Variants in SLC39A11 observed in about 807,000 individuals in gnomAD.
SLC39A11 encodes the protein zinc transporter ZIP11.
Under a neutral mutation model 36.1 loss-of-function variants are expected in SLC39A11, and 33 were observed. The ratio of observed to expected loss-of-function variants is 0.91; its 90% CI spans 0.69 to 1.22. SLC39A11 has a LOEUF of 1.22. Among genes scored for constraint, SLC39A11 ranks in the 50% most tolerant of loss-of-function variants. SLC39A11 has a pLI of 0.00. For missense variants in SLC39A11, 432 were observed against 430.3 expected, an observed-to-expected ratio of 1.00 and a Z score of -0.03; for synonymous variants, 166 against 170.3, an observed-to-expected ratio of 0.97 and a Z score of 0.20.
Position 72,746,357 on chromosome 17 carries a change from AC to A in SLC39A11, c.602-9639del, listed in dbSNP as rs542589272. On this transcript the variant is annotated intron_variant, in intron 6 of 9. Coordinates refer to ENST00000255559, the MANE Select transcript of SLC39A11 (RefSeq NM_139177.4). ...TGAGGGGTCAGGTGTGATGGCTGAC[AC>A]CTGTAATCCCAGCAATTTGGGAGGC... Among the ~76,000 whole-genome samples, 461 of 152,274 alleles carry A rather than the reference AC, an allele frequency of 3.0e-3. 5 individuals carry two copies. Among genetic ancestry groups the A allele is most frequent in the Non-Finnish European group, 5.3e-3 (361 of 68,020 alleles).
In SLC39A11 at chr17:72,698,378, G is replaced by A. The variant is rs572685801; in HGVS notation, c.671+38272C>T. ...TGGTTTGCTATTGTTGATAATTGTT[G>A]AAGCTGGATAACACACATACGGGGT... is the stretch of plus-strand genomic sequence containing the variant. On this transcript the variant is annotated intron_variant, in intron 7 of 9. Coordinates refer to ENST00000255559, the MANE Select transcript of SLC39A11 (RefSeq NM_139177.4). 8.7e-5 allele frequency among the ~76,000 whole-genome samples: 13 copies of A among 149,830 alleles called. No individual in the cohort carries two copies. The South Asian group carries it at 2.5e-3, about 29-fold the overall frequency.
At chr17:73,021,378 C>T (rs1318468167) in intron 4 of SLC39A11, among the ~76,000 whole-genome samples, 1 of 151,922 alleles carries the variant, frequency 6.6e-6, no homozygotes, top group Non-Finnish European at 1.5e-5. Flanking sequence ...CTTGCTCTGT[C>T]ACCCAGGCTG....
At chr17:72,756,175 T>C (rs988323712) in intron 6 of SLC39A11, among the ~76,000 whole-genome samples, 2 of 152,200 alleles carry the variant, frequency 1.3e-5, no homozygotes, top group Non-Finnish European at 2.9e-5. Flanking sequence ...AATTACCATA[T>C]GGTGATAGCA....
chr17:72,963,073 G>A (rs1471022099), intron 4 of SLC39A11, among the ~76,000 whole-genome samples: 1 of 151,920 alleles, frequency 6.6e-6, no homozygotes, highest in Non-Finnish European at 1.5e-5. Flanking sequence ...TCAAGAGACT[G>A]ATAACCTGAT....
intron 6 of SLC39A11, among the ~76,000 whole-genome samples, chr17:72,780,521 G>T (rs1485351283): frequency 1.7e-5 from 1 of 60,520 alleles, no homozygotes; most frequent in East Asian, 2.6e-4. Flanking sequence ...CCCTGAAGAT[G>T]GGGGGCGGGT....
At chr17:72,919,806 T>A (rs1165457335) in intron 5 of SLC39A11, among the ~76,000 whole-genome samples, 1 of 151,988 alleles carries the variant, frequency 6.6e-6, no homozygotes, top group Non-Finnish European at 1.5e-5. Flanking sequence ...CACAGCTGCA[T>A]CTCTGATGCT....
At chr17:73,086,892 A>G (rs867438136) in intron 2 of SLC39A11, among the ~76,000 whole-genome samples, 1 of 151,894 alleles carries the variant, frequency 6.6e-6, no homozygotes, top group Admixed American at 6.6e-5. Context: ...GTCTCTACTA[A>G]AACTACAAAA....
chr17:72,896,728 G>A (rs908752256), intron 5 of SLC39A11, among the ~76,000 whole-genome samples: 4 of 151,956 alleles, frequency 2.6e-5, no homozygotes, highest in African/African-American at 9.7e-5. Context: ...AGGGAGTGAG[G>A]GAAAGGGACA....
chr17:73,065,480 G>C (rs969698456), intron 3 of SLC39A11, among the ~76,000 whole-genome samples: 4 of 152,140 alleles, frequency 2.6e-5, no homozygotes, highest in Non-Finnish European at 5.9e-5. Context: ...CTGAAGCTTA[G>C]AATATAAAAA....
intron 4 of SLC39A11, among the ~76,000 whole-genome samples, chr17:73,029,436 A>C (rs2058670993): frequency 1.3e-5 from 2 of 151,862 alleles, no homozygotes; most frequent in South Asian, 4.2e-4. Flanking sequence ...AGCAGAATAC[A>C]CTCCAACAAC....
intron 3 of SLC39A11, among the ~76,000 whole-genome samples, chr17:73,060,269 A>T (rs542494275): frequency 6.6e-6 from 1 of 151,838 alleles, no homozygotes; most frequent in Admixed American, 6.6e-5. Flanking sequence ...AGGTAAAAAA[A>T]AAAAAGTTGG....
In SLC39A11 at chr17:72,862,712, G is replaced by A. The variant is rs1363027671; in HGVS notation, c.431-12908C>T. ...GAAATACAGATTGTCCTAGTGTTCA[G>A]ATGAGTACTGCCCACTAAGGTTAAA... is the stretch of plus-strand genomic sequence containing the variant. On this transcript the variant is annotated intron_variant, in intron 5 of 9. Coordinates refer to ENST00000255559, the MANE Select transcript of SLC39A11 (RefSeq NM_139177.4). Among the ~76,000 whole-genome samples, 3 of 152,026 alleles carry A rather than the reference G, an allele frequency of 2.0e-5. No individual in the cohort carries two copies. The East Asian group carries it at 5.8e-4, about 29-fold the overall frequency.
chr17:73,049,413 G>C (rs999081146), intron 3 of SLC39A11, among the ~76,000 whole-genome samples: 1 of 152,148 alleles, frequency 6.6e-6, no homozygotes, highest in African/African-American at 2.4e-5. Flanking sequence ...CGCCTTCCAG[G>C]AGCAGCAGGG....
intron 5 of SLC39A11, among the ~76,000 whole-genome samples, chr17:72,856,393 C>T (rs1272311619): frequency 6.6e-6 from 1 of 152,176 alleles, no homozygotes; most frequent in Non-Finnish European, 1.5e-5. Context: ...CTTTAAATAA[C>T]AGTAATATGA....
At chr17:72,999,889 C>T (rs373116516) in intron 4 of SLC39A11, among the ~76,000 whole-genome samples, 32 of 152,114 alleles carry the variant, frequency 2.1e-4, no homozygotes, top group African/African-American at 6.5e-4. Context: ...TACAGGCACG[C>T]GCCACCACAC....
chr17:72,737,668 T>C (rs1320742679), intron 6 of SLC39A11, among the ~76,000 whole-genome samples: 1 of 152,164 alleles, frequency 6.6e-6, no homozygotes, highest in African/African-American at 2.4e-5. Flanking sequence ...AATTACATCC[T>C]AGGCAAGAAG....
At chr17:72,914,388 A>G (rs2083216348) in intron 5 of SLC39A11, among the ~76,000 whole-genome samples, 2 of 152,178 alleles carry the variant, frequency 1.3e-5, no homozygotes, top group African/African-American at 4.8e-5. Flanking sequence ...AAGAAACAAT[A>G]TAACTACTTA....
At chr17:72,649,332 C>G (rs1409305497) in intron 7 of SLC39A11, 64 bp from the exon 8 acceptor site, 1 of 1,488,382 alleles carries the variant, frequency 6.7e-7, no homozygotes, top group Non-Finnish European at 9.2e-7. Context: ...AATGGGAGTC[C>G]CTGGCCGAGG....
chr17:72,782,183 C>G (rs1448290043), intron 6 of SLC39A11, among the ~76,000 whole-genome samples: 1 of 152,088 alleles, frequency 6.6e-6, no homozygotes, highest in Non-Finnish European at 1.5e-5. Flanking sequence ...GAGGAGAAGA[C>G]AATCTCAGGA....
Sources: allele counts gnomAD v4.1 joint callset (sites outside exome capture counted in the v4.1 genomes callset), GRCh38; gene constraint gnomAD v4.1.1; transcripts MANE v1.5; gene names NCBI Gene and HGNC (gene_info 2026-07-23, HGNC 2026-07-21).